The following INO80D variants were observed in gnomAD, a reference collection of about 807,000 sequenced individuals.
INO80D encodes INO80 complex subunit D.
In INO80D, 21 loss-of-function variants were observed where a neutral mutation model predicts 87.6. The observed-to-expected ratio is 0.24, with a 90% CI of 0.17 to 0.35. The LOEUF (loss-of-function observed/expected upper bound fraction) is 0.35. Ranked by LOEUF, INO80D falls within the 10% of genes least tolerant of loss-of-function variation. The pLI, the probability that INO80D is intolerant of heterozygous loss-of-function variation, is 1.00. For missense variants in INO80D, 982 were observed against 1,280.7 expected (o/e 0.77, Z 3.56); for synonymous variants, 440 against 491.0 (o/e 0.90, Z 1.37).
At chr2:206,020,068 G>C (rs817998) in intron 6 of INO80D, among the ~76,000 whole-genome samples, 109,299 of 151,732 alleles carry the variant, frequency 0.72, 40,152 homozygotes, top group South Asian at 0.84. Flanking sequence ...AATTACATCA[G>C]AATATGTTTC....
rs1575785821 is a variant in INO80D at position 206,003,142 on chromosome 2, T to A, written c.*1226A>T. ...GACCAAAGGGCGAATAAAATTTATA[T>A]CTAATTTCCATATTCTGCTTTGAAA... On this transcript the variant is annotated 3_prime_UTR_variant, in exon 11 of 11. Transcript: ENST00000403263. The A allele has an allele frequency of 6.6e-6, 1 of 152,230 alleles. No individual in the cohort carries two copies. Among genetic ancestry groups the A allele is most frequent in the Admixed American group, 6.5e-5 (1 of 15,286 alleles). 9.4% of individuals were successfully genotyped at this position (152,230 alleles called of 1,614,324 possible). A position where few individuals can be genotyped will look rare whatever the true frequency, so the allele number is the denominator to read the frequency against.
At chr2:206,027,633 G>GT (rs746337730) in intron 6 of INO80D, among the ~76,000 whole-genome samples, 1 of 152,126 alleles carries the variant, frequency 6.6e-6, no homozygotes, top group South Asian at 2.1e-4. Flanking sequence ...GAGCCCAGGA[G>GT]TTTGAGGCTG....
chr2:206,005,316 G>T lies in INO80D; in HGVS notation c.2136C>A (p.Asp712Glu). 1.2e-6 allele frequency: 2 copies of T among 1,613,938 alleles called. No individual in the cohort carries two copies. Among genetic ancestry groups the T allele is most frequent in the East Asian group, 2.2e-5 (1 of 44,882 alleles). The change falls in exon 11 of 11, where the codon GAC (aspartate) becomes GAA (glutamate). Residue 712 changes from aspartate to glutamate, a missense_variant. Transcript: ENST00000403263. The stretch of plus-strand genomic sequence containing the variant: ...TACGCCCATTCAATAGCTCCCCTAG[G>T]TCTGTGTTCACCTCTCGGCTCAAGG... ...IQSLSREVNT[D>E]LGELLNGRIV...
chr2:206,080,902 CAAAAAAAAA>C (rs60198558), intron 1 of INO80D, among the ~76,000 whole-genome samples: 1 of 38,064 alleles, frequency 2.6e-5, no homozygotes, highest in South Asian at 1.5e-3. Context: ...GACTCAGTCT[CAAAAAAAAA>C]AAAAAAAAAA....
At chr2:206,025,936 C>T (rs1471858490) in intron 6 of INO80D, among the ~76,000 whole-genome samples, 6 of 151,824 alleles carry the variant, frequency 4.0e-5, no homozygotes, top group Non-Finnish European at 5.9e-5. Flanking sequence ...CCCACTCTGT[C>T]GCCCAGGCTA....
intron 3 of INO80D, among the ~76,000 whole-genome samples, chr2:206,057,559 G>A (rs961791023): frequency 1.3e-5 from 2 of 152,066 alleles, no homozygotes; most frequent in Non-Finnish European, 2.9e-5. Flanking sequence ...TGCAGTAGGC[G>A]CTAAAATAAT....
At chr2:206,021,146 T>C (rs574726638) in intron 6 of INO80D, among the ~76,000 whole-genome samples, 40 of 152,358 alleles carry the variant, frequency 2.6e-4, no homozygotes, top group Non-Finnish European at 5.4e-4. Context: ...CTACTTAACA[T>C]ACTGAGTTCA....
At chr2:206,080,533 A>G (rs1227520336) in intron 1 of INO80D, among the ~76,000 whole-genome samples, 1 of 152,206 alleles carries the variant, frequency 6.6e-6, no homozygotes, top group Non-Finnish European at 1.5e-5. Context: ...AGTAATTATA[A>G]TATTCTCTCT....
intron 6 of INO80D, among the ~76,000 whole-genome samples, chr2:206,023,605 C>G (rs2105824904): frequency 6.6e-6 from 1 of 151,238 alleles, no homozygotes; most frequent in Admixed American, 6.6e-5. Flanking sequence ...ATTGCTTGAA[C>G]CCAGGAGGTG....
intron 5 of INO80D, among the ~76,000 whole-genome samples, chr2:206,041,435 G>C (rs529386283): frequency 1.3e-4 from 20 of 152,270 alleles, no homozygotes; most frequent in African/African-American, 4.3e-4. Context: ...CATAAGGAAA[G>C]ATCTCAAAGC....
At position 206,017,670 on chromosome 2, in the gene INO80D, C is replaced by T. The variant is rs745716621; in HGVS notation, c.1542+10G>A. 6.4e-7 allele frequency: 1 copy of T among 1,564,754 alleles called. No homozygotes were observed. Among genetic ancestry groups the T allele is most frequent in the Non-Finnish European group, 8.6e-7 (1 of 1,158,350 alleles). ...ACAAAAAGTTTGAAAGCCTCTGTTG[C>T]AGAACTTACCATTTTTTTGGCATGT... is the stretch of plus-strand genomic sequence containing the variant. On this transcript the variant is annotated intron_variant, in intron 8 of 10. Coordinates refer to ENST00000403263, the MANE Select transcript of INO80D (RefSeq NM_017759.5).
intron 6 of INO80D, 77 bp from the exon 7 acceptor site, chr2:206,019,922 C>A (rs1688416327): frequency 1.0e-6 from 1 of 1,001,056 alleles, no homozygotes; most frequent in South Asian, 1.4e-5. Flanking sequence ...CATGATGTCA[C>A]AACTCTGTAA....
intron 1 of INO80D, chr2:206,084,846 T>C (rs1690392208): frequency 6.6e-6 from 1 of 152,226 alleles, no homozygotes; most frequent in South Asian, 2.1e-4. Flanking sequence ...CACCTGAGTT[T>C]ACCTCCTCCT....
Position 206,007,507 on chromosome 2 carries a change from A to G in INO80D, c.1761-66T>C, listed in dbSNP as rs1028048755. On this transcript the variant is annotated intron_variant, in intron 9 of 10. Coordinates refer to ENST00000403263, the MANE Select transcript of INO80D (RefSeq NM_017759.5). ...ATCTTCACATCAATACCACCAAGCC[A>G]AGTTCATTCAACATGAAAAGAAGCT... is the stretch of plus-strand genomic sequence containing the variant. 4.0e-6 allele frequency: 6 copies of G among 1,508,210 alleles called. No homozygotes were observed. In the African/African-American group the frequency reaches 5.6e-5, roughly 14 times the overall value. The allele number at this position is 1,508,210 out of a possible 1,614,324, so 93.4% of individuals were successfully genotyped here. A position where few individuals can be genotyped will look rare whatever the true frequency, so the allele number is the denominator to read the frequency against.
At chr2:206,066,847 T>C (rs1689829855) in intron 1 of INO80D, among the ~76,000 whole-genome samples, 1 of 149,348 alleles carries the variant, frequency 6.7e-6, no homozygotes, top group African/African-American at 2.5e-5. Context: ...TTCACAGCAA[T>C]ATGGATAGAA....
At chr2:206,038,798 C>T (rs993770657) in intron 5 of INO80D, among the ~76,000 whole-genome samples, 2 of 151,960 alleles carry the variant, frequency 1.3e-5, no homozygotes, top group African/African-American at 4.8e-5. Context: ...GAGACCCTGT[C>T]TCAGAAAACA....
chr2:206,078,542 T>C (rs1057259881), intron 1 of INO80D, among the ~76,000 whole-genome samples: 1 of 152,208 alleles, frequency 6.6e-6, no homozygotes, highest in African/African-American at 2.4e-5. Context: ...ACACCTGTAA[T>C]TCCAACACTA....
At chr2:206,054,516 TTTTG>T (rs1433820753) in intron 4 of INO80D, among the ~76,000 whole-genome samples, 2 of 152,064 alleles carry the variant, frequency 1.3e-5, no homozygotes, top group Non-Finnish European at 2.9e-5. Flanking sequence ...TACAAATATA[TTTTG>T]TTTGTTTGTC....
intron 1 of INO80D, among the ~76,000 whole-genome samples, chr2:206,067,809 T>C (rs1689859589): frequency 6.6e-6 from 1 of 152,070 alleles, no homozygotes; most frequent in Non-Finnish European, 1.5e-5. Flanking sequence ...GCAATCTACA[T>C]GTCTGTAGGT....
Sources: allele counts gnomAD v4.1 joint callset (sites outside exome capture counted in the v4.1 genomes callset), GRCh38; gene constraint gnomAD v4.1.1; transcripts MANE v1.5; gene names NCBI Gene and HGNC (gene_info 2026-07-23, HGNC 2026-07-21).